Variants in BCKDHA observed in about 807,000 individuals in gnomAD.
BCKDHA encodes the protein 2-oxoisovalerate dehydrogenase subunit alpha, mitochondrial.
BCKDHA carries 43 observed loss-of-function variants against 52.2 expected under a neutral mutation model. The ratio of observed to expected loss-of-function variants is 0.82; its 90% CI spans 0.64 to 1.06. BCKDHA has a LOEUF of 1.06. Ranked by LOEUF, BCKDHA falls within the 50% of genes least tolerant of loss-of-function variation. BCKDHA has a pLI of 0.00. For missense variants in BCKDHA, 527 were observed against 621.3 expected, an observed-to-expected ratio of 0.85 and a Z score of 1.61; for synonymous variants, 234 against 247.9, an observed-to-expected ratio of 0.94 and a Z score of 0.53.
At chr19:41,407,622 G>A (rs569432592) in intron 1 of BCKDHA, among the ~76,000 whole-genome samples, 1 of 152,268 alleles carries the variant, frequency 6.6e-6, no homozygotes, top group East Asian at 1.9e-4. Flanking sequence ...CATTGGGAGT[G>A]TAATTTCCTC....
In BCKDHA at chr19:41,413,566, T is replaced by G. The variant is rs1456699288; in HGVS notation, c.376-483T>G. Among the ~76,000 whole-genome samples, 8 of 152,216 alleles carry G rather than the reference T, an allele frequency of 5.3e-5. 1 individual carries two copies. The South Asian group carries it at 1.2e-3, about 24-fold the overall frequency. The stretch of plus-strand genomic sequence containing the variant: ...CCTCACTGCAGCCTGAGAGCAATTC[T>G]AAAACACAGGTCTGACCACATTGCT... On this transcript the variant is annotated intron_variant, in intron 3 of 8. Coordinates refer to ENST00000269980, the MANE Select transcript of BCKDHA (RefSeq NM_000709.4).
In BCKDHA at chr19:41,422,733, G is replaced by A. The variant is rs766943310; in HGVS notation, c.958G>A (p.Glu320Lys). 5 of 1,614,030 alleles carry A rather than the reference G, an allele frequency of 3.1e-6. No homozygotes were observed. The highest frequency in any genetic ancestry group is 3.3e-5 in the Admixed American group (2 of 60,024). ...TKEARRRAVA[E>K]NQPFLIEAMT... ...GGAGGCCCGACGGCGGGCTGTGGCAGAGAACCAGCCCTTCCTCATCGAGGC... is the reference window on the plus strand; with the variant it reads ...GGAGGCCCGACGGCGGGCTGTGGCAAAGAACCAGCCCTTCCTCATCGAGGC... The change falls in exon 7 of 9, where the codon GAG (glutamate) becomes AAG (lysine). Residue 320 changes from glutamate to lysine, a missense_variant. By Grantham distance (56) the Glu-to-Lys change is moderately conservative (BLOSUM62 1). Coordinates refer to ENST00000269980, the MANE Select transcript of BCKDHA (RefSeq NM_000709.4).
intron 8 of BCKDHA, among the ~76,000 whole-genome samples, chr19:41,423,567 C>T (rs1443636878): frequency 1.3e-5 from 2 of 152,200 alleles, no homozygotes; most frequent in African/African-American, 2.4e-5. Context: ...CGCAGTGGCT[C>T]ACGCCTGTAA....
chr19:41,421,357 G>A (rs886799591), intron 5 of BCKDHA, among the ~76,000 whole-genome samples: 2 of 152,150 alleles, frequency 1.3e-5, no homozygotes, highest in Admixed American at 6.5e-5. Flanking sequence ...TGAGGGTGGG[G>A]GTCCTGTAGG....
At chr19:41,409,593 A>C (rs550158456) in intron 1 of BCKDHA, among the ~76,000 whole-genome samples, 1 of 152,064 alleles carries the variant, frequency 6.6e-6, no homozygotes, top group South Asian at 2.1e-4. Flanking sequence ...CCTTCTTGTA[A>C]AGCAAGCAGA....
At chr19:41,421,014 C>T (rs886406000) in intron 5 of BCKDHA, among the ~76,000 whole-genome samples, 62 of 152,326 alleles carry the variant, frequency 4.1e-4, no homozygotes, top group Non-Finnish European at 7.3e-5. Context: ...GGAGGCTCCA[C>T]ACCCCTTAGC....
In BCKDHA at chr19:41,422,198, T is replaced by C. The variant is rs1015416257; in HGVS notation, c.681T>C (p.Asn227=). 12 of 1,613,940 alleles carry C rather than the reference T, an allele frequency of 7.4e-6. No homozygotes were observed. Among genetic ancestry groups the C allele is most frequent in the Non-Finnish European group, 1.0e-5 (12 of 1,180,002 alleles). The change falls in exon 6 of 9, where the codon AAT becomes AAC. Residue 227 remains asparagine (N), a synonymous_variant. Transcript: ENST00000269980. ...CGGCGTACGCAGCCAAGCGGGCCAA[T>C]GCCAACAGGGTCGTCATCTGTTACT... The part of the protein sequence containing the change: ...VGAAYAAKRA[N]ANRVVICYFG...
At chr19:41,408,029 C>A (rs2039212251) in intron 1 of BCKDHA, among the ~76,000 whole-genome samples, 1 of 149,368 alleles carries the variant, frequency 6.7e-6, no homozygotes, top group Non-Finnish European at 1.5e-5. Context: ...AGTCTCAGCT[C>A]ACTACAGCCT....
rs561186353 is a variant in BCKDHA at position 41,410,835 on chromosome 19, C to A, written c.288+19C>A. The A allele has an allele frequency of 8.7e-6, 14 of 1,613,952 alleles. No individual in the cohort carries two copies. In the African/African-American group the frequency reaches 1.1e-4, roughly 12 times the overall value. On this transcript the variant is annotated intron_variant, in intron 2 of 8. Coordinates refer to ENST00000269980, the MANE Select transcript of BCKDHA (RefSeq NM_000709.4). ...CCCCCACGTGAGAGGCGGCCTCCCCCACTTCCCGTGCCCCCCACGCCCAGG... is the reference window on the plus strand; with the variant it reads ...CCCCCACGTGAGAGGCGGCCTCCCCAACTTCCCGTGCCCCCCACGCCCAGG...
chr19:41,406,032 CCCA>C lies in BCKDHA; in HGVS notation c.109-4603_109-4601del, dbSNP rs1171566375. Among the ~76,000 whole-genome samples, 8 of 152,162 alleles carry C rather than the reference CCCA, an allele frequency of 5.3e-5. No homozygotes were observed. In the East Asian group the frequency reaches 1.3e-3, roughly 26 times the overall value. ...TCCTTCCTCTGCAGGCATTTGGCCA[CCCA>C]CTCCCATTATGGAGCATTTCCTCAG... On this transcript the variant is annotated intron_variant, in intron 1 of 8. Coordinates refer to ENST00000269980, the MANE Select transcript of BCKDHA (RefSeq NM_000709.4).
chr19:41,422,832 C>T, intron 7 of BCKDHA, 62 bp downstream of exon 7: 1 of 1,608,438 alleles, frequency 6.2e-7, no homozygotes, highest in Non-Finnish European at 8.5e-7. Flanking sequence ...GCATCTTCCT[C>T]ATATCGATCA....
In BCKDHA at chr19:41,419,265, C is replaced by T. The variant is rs768600012; in HGVS notation, c.615C>T (p.Ile205=). The T allele has an allele frequency of 5.6e-6, 9 of 1,614,074 alleles. No individual in the cohort carries two copies. Among genetic ancestry groups the T allele is most frequent in the Non-Finnish European group, 7.6e-6 (9 of 1,179,982 alleles). Residue 205 remains isoleucine, a synonymous_variant, in exon 5 of 9, where the codon ATC becomes ATT. Coordinates refer to ENST00000269980, the MANE Select transcript of BCKDHA (RefSeq NM_000709.4). ...YGCKERHFVT[I]SSPLATQIPQ... is the part of the protein sequence containing the mutation. ...GCAAGGAACGCCACTTCGTCACTAT[C>T]TCCTCTCCACTGGCCACGCAGATCC...
chr19:41,422,145 A>G lies in BCKDHA; in HGVS notation c.647-19A>G. On this transcript the variant is annotated intron_variant, in intron 5 of 8. Coordinates refer to ENST00000269980, the MANE Select transcript of BCKDHA (RefSeq NM_000709.4). ...ATGTGAGTCTCCGCCCCTGCTCACCACCCTCTCATCCCCTGCAGCGGTGGG... is the reference window on the plus strand; with the variant it reads ...ATGTGAGTCTCCGCCCCTGCTCACCGCCCTCTCATCCCCTGCAGCGGTGGG... 6 of 1,609,880 alleles carry G rather than the reference A, an allele frequency of 3.7e-6. No homozygotes were observed. Among genetic ancestry groups the G allele is most frequent in the Non-Finnish European group, 5.1e-6 (6 of 1,178,158 alleles).
chr19:41,402,729 C>T (rs2039150835), intron 1 of BCKDHA, among the ~76,000 whole-genome samples: 1 of 152,188 alleles, frequency 6.6e-6, no homozygotes, highest in African/African-American at 2.4e-5. Context: ...GCAACCTCTG[C>T]CTCCTGGGTT....
At chr19:41,414,890 G>A (rs186931041) in intron 4 of BCKDHA, among the ~76,000 whole-genome samples, 3 of 152,322 alleles carry the variant, frequency 2.0e-5, no homozygotes, top group African/African-American at 7.2e-5. Context: ...GATGCTTGGG[G>A]CAAGTTGCTT....
intron 1 of BCKDHA, among the ~76,000 whole-genome samples, chr19:41,401,235 C>T (rs1336153475): frequency 6.6e-6 from 1 of 151,808 alleles, no homozygotes; most frequent in African/African-American, 2.4e-5. Flanking sequence ...CACCACCATG[C>T]CTGGCTAATT....
intron 1 of BCKDHA, among the ~76,000 whole-genome samples, chr19:41,410,250 A>T (rs1312742056): frequency 5.9e-5 from 9 of 152,168 alleles, no homozygotes; most frequent in Non-Finnish European, 1.2e-4. Flanking sequence ...AGGAGGGGGC[A>T]TCTGTGGCCA....
chr19:41,410,767 G>A lies in BCKDHA; in HGVS notation c.239G>A (p.Arg80His), dbSNP rs768944277. 2.0e-5 allele frequency: 32 copies of A among 1,613,982 alleles called. No individual in the cohort carries two copies. Among genetic ancestry groups the A allele is most frequent in the Admixed American group, 1.0e-4 (6 of 59,978 alleles). ...GTCATCTCTGGAATCCCCATCTACC[G>A]CGTCATGGACCGGCAAGGCCAGATC... ...PNVISGIPIYRVMDRQGQIIN... is the reference protein window; with the variant it reads ...PNVISGIPIYHVMDRQGQIIN... Residue 80 changes from arginine (R) to histidine (H), a missense_variant, in exon 2 of 9, where the codon CGC becomes CAC. Coordinates refer to ENST00000269980, the MANE Select transcript of BCKDHA (RefSeq NM_000709.4).
intron 1 of BCKDHA, among the ~76,000 whole-genome samples, chr19:41,405,274 A>G (rs1262441193): frequency 1.3e-5 from 2 of 151,902 alleles, no homozygotes; most frequent in South Asian, 2.1e-4. Context: ...AGGCTCAGGG[A>G]GTTTTTCTTT....
Sources: allele counts gnomAD v4.1 joint callset (sites outside exome capture counted in the v4.1 genomes callset), GRCh38; gene constraint gnomAD v4.1.1; transcripts MANE v1.5; gene names NCBI Gene and HGNC (gene_info 2026-07-23, HGNC 2026-07-21).